Variants in TARBP1 observed in about 807,000 individuals in gnomAD.
TARBP1 encodes tRNA (guanosine(18)-2'-O)-methyltransferase TARBP1.
Under a neutral mutation model 178.6 loss-of-function variants are expected in TARBP1, and 144 were observed. The observed-to-expected ratio is 0.81, with a 90% CI of 0.70 to 0.93. TARBP1 has a LOEUF of 0.93. Ranked by LOEUF, TARBP1 falls within the 40% of genes least tolerant of loss-of-function variation. TARBP1 has a pLI of 0.00. For synonymous variants in TARBP1, 787 were observed against 781.0 expected, an observed-to-expected ratio of 1.01 and a Z score of -0.13; for missense variants, 2,067 against 2,011.7, an observed-to-expected ratio of 1.03 and a Z score of -0.53.
rs12081238 is a variant in TARBP1, at chr1:234,479,125, G to A, written c.-22C>T. 4,762 of 1,513,002 alleles carry A rather than the reference G, an allele frequency of 3.1e-3. 133 individuals carry two copies. In the African/African-American group the frequency reaches 0.059, roughly 19 times the overall value. 93.7% of individuals were successfully genotyped at this position (1,513,002 alleles called of 1,614,324 possible). A position where few individuals can be genotyped will look rare whatever the true frequency, so the allele number is the denominator to read the frequency against. On this transcript the variant is annotated 5_prime_UTR_variant, in exon 1 of 30. Transcript: ENST00000040877. ...CCATTTGCCGAGCGCCCGCGCCACC[G>A]GCCCGGGCTCCCAAAGGAAGGCGCC...
Position 234,456,402 on chromosome 1 carries a change from T to C in TARBP1, c.1722+1265A>G, listed in dbSNP as rs1408014829. ...TTTTAGTAGAGACGGGGTTTCGCCA[T>C]GCTGGCCAGGCTGGTCTCGAACTCC... On this transcript the variant is annotated intron_variant, in intron 9 of 29. Transcript: ENST00000040877. Among the ~76,000 whole-genome samples the C allele has an allele frequency of 6.0e-4, 91 of 152,240 alleles. 1 individual carries two copies. Among genetic ancestry groups the C allele is most frequent in the Admixed American group, 6.0e-3 (91 of 15,288 alleles).
At chr1:234,415,187 A>G (rs973033683) in intron 22 of TARBP1, among the ~76,000 whole-genome samples, 6 of 152,028 alleles carry the variant, frequency 3.9e-5, no homozygotes, top group African/African-American at 1.5e-4. Flanking sequence ...GGCTAAGGAG[A>G]GACTGAGGAT....
chr1:234,434,486 A>G (rs1280868403), intron 13 of TARBP1, among the ~76,000 whole-genome samples: 1 of 152,200 alleles, frequency 6.6e-6, no homozygotes, highest in Non-Finnish European at 1.5e-5. Flanking sequence ...TGAGGGATGA[A>G]GGTGCCAGGA....
chr1:234,452,884 A>G (rs35880879), intron 9 of TARBP1, among the ~76,000 whole-genome samples: 44,737 of 151,906 alleles, frequency 0.29, 6,750 homozygotes, highest in Admixed American at 0.4. Context: ...CACTAAAAAA[A>G]AAAAAATGAG....
Position 234,405,900 on chromosome 1 carries a change from T to C in TARBP1, c.3989+3A>G. Reference sequence around the variant, plus strand: ...GGCGATGAGGTTGACGAGGGCTCCTTACCCTGCTCCGTGCATGCTTTCCAC... The same window carrying C: ...GGCGATGAGGTTGACGAGGGCTCCTCACCCTGCTCCGTGCATGCTTTCCAC... On this transcript the variant is annotated splice_donor_region_variant and intron_variant, in intron 24 of 29. Coordinates refer to ENST00000040877, the MANE Select transcript of TARBP1 (RefSeq NM_005646.4). 1 of 1,613,210 alleles carries C rather than the reference T, an allele frequency of 6.2e-7. No individual in the cohort carries two copies. The highest frequency in any genetic ancestry group is 1.7e-5 in the Admixed American group (1 of 59,994).
chr1:234,398,285 G>A (rs1490376802), intron 26 of TARBP1, 97 bp downstream of exon 26: 10 of 1,028,236 alleles, frequency 9.7e-6, no homozygotes, highest in Admixed American at 3.0e-5. Flanking sequence ...GTCAATGAAA[G>A]TGATATTATT....
chr1:234,462,656 T>G (rs541657708), intron 6 of TARBP1, among the ~76,000 whole-genome samples: 1 of 121,218 alleles, frequency 8.2e-6, no homozygotes, highest in East Asian at 2.7e-4. Context: ...ACCACTGCAC[T>G]CCAGCCTAAT....
chr1:234,460,945 C>T (rs540643811), intron 6 of TARBP1, among the ~76,000 whole-genome samples: 28 of 152,288 alleles, frequency 1.8e-4, no homozygotes, highest in African/African-American at 6.0e-4. Flanking sequence ...CAAAAAGCCA[C>T]GTATTGTATG....
intron 11 of TARBP1, 32 bp downstream of exon 11, chr1:234,448,448 T>C (rs1158640114): frequency 5.1e-6 from 8 of 1,579,934 alleles, no homozygotes; most frequent in Non-Finnish European, 7.0e-6. Flanking sequence ...ATTTTTCAAA[T>C]AGGCTTTCTT....
intron 22 of TARBP1, among the ~76,000 whole-genome samples, chr1:234,415,227 G>A (rs1419931448): frequency 6.6e-6 from 1 of 152,138 alleles, no homozygotes; most frequent in Admixed American, 6.5e-5. Flanking sequence ...ACAAATGCCT[G>A]AGAAGACAGG....
At chr1:234,477,768 C>T (rs1217203929) in intron 1 of TARBP1, among the ~76,000 whole-genome samples, 1 of 152,180 alleles carries the variant, frequency 6.6e-6, no homozygotes, top group Admixed American at 6.5e-5. Flanking sequence ...ACTCAACACT[C>T]AATTCACTAA....
chr1:234,425,650 A>G, intron 20 of TARBP1, 23 bp downstream of exon 20: 1 of 1,489,038 alleles, frequency 6.7e-7, no homozygotes, highest in Non-Finnish European at 9.2e-7. Context: ...AAACAAAGAT[A>G]ATTTAAAGTA....
At chr1:234,455,800 T>C (rs1667212599) in intron 9 of TARBP1, among the ~76,000 whole-genome samples, 1 of 151,970 alleles carries the variant, frequency 6.6e-6, no homozygotes. Flanking sequence ...GTATAACAAC[T>C]TGTCAATACC....
rs1168636812 is a variant in TARBP1, at chr1:234,478,827, G to T, written c.277C>A (p.Arg93Ser). The T allele has an allele frequency of 1.7e-5, 20 of 1,189,142 alleles. No individual in the cohort carries two copies. In the East Asian group the frequency reaches 5.2e-4, roughly 31 times the overall value. 73.7% of individuals were successfully genotyped at this position (1,189,142 alleles called of 1,614,324 possible). ...CCCGCCGCCCTCAGCACGCGCCGGC[G>T]GTGGCGAGGCTGCAGACTGGGGTCC... ...GPDPSLQPRH[R>S]RRVLRAAGAA... The change falls in exon 1 of 30, where the codon CGC becomes AGC. Residue 93 changes from arginine to serine, a missense_variant. Coordinates refer to ENST00000040877, the MANE Select transcript of TARBP1 (RefSeq NM_005646.4).
At chr1:234,470,720 A>G (rs1668963653) in intron 3 of TARBP1, among the ~76,000 whole-genome samples, 2 of 150,678 alleles carry the variant, frequency 1.3e-5, no homozygotes, top group Non-Finnish European at 2.9e-5. Flanking sequence ...GATTCGAGTG[A>G]TTCTCTTGCC....
rs377316892 is a variant in TARBP1 at position 234,433,482 on chromosome 1, G to T, written c.2322C>A (p.Asn774Lys). ...LHLKVGWKRG[N>K]PIWRVISLLK... ...AAAGAGAAATAACTCTCCAGATAGG[G>T]TTACCCCTTTTCCACCCAACCTTCA... The change falls in exon 14 of 30, where the codon AAC becomes AAA. Residue 774 changes from asparagine to lysine, a missense_variant. Transcript: ENST00000040877. 4.3e-6 allele frequency: 7 copies of T among 1,613,916 alleles called. No individual in the cohort carries two copies. In the African/African-American group the frequency reaches 9.3e-5, roughly 22 times the overall value.
chr1:234,440,155 T>C (rs1288502553), intron 12 of TARBP1, among the ~76,000 whole-genome samples: 1 of 152,148 alleles, frequency 6.6e-6, no homozygotes, highest in African/African-American at 2.4e-5. Context: ...AGAAAATATT[T>C]TGAGATGAAA....
At chr1:234,456,177 A>AAACATATAG (rs1667252508) in intron 9 of TARBP1, among the ~76,000 whole-genome samples, 1 of 152,364 alleles carries the variant, frequency 6.6e-6, no homozygotes, top group Admixed American at 6.5e-5. Flanking sequence ...GTATAAATAA[A>AAACATATAG]AACATATAGA....
chr1:234,463,787 A>G (rs1424067699), intron 6 of TARBP1, 50 bp downstream of exon 6: 1 of 1,120,398 alleles, frequency 8.9e-7, no homozygotes, highest in Non-Finnish European at 1.2e-6. Flanking sequence ...TAAAAAAAAA[A>G]GAAACTGTAA....
Sources: gnomAD v4.1 joint callset for allele counts (sites outside exome capture counted in the v4.1 genomes callset) on GRCh38, gnomAD v4.1.1 for gene constraint, MANE v1.5 for transcripts, NCBI Gene and HGNC (gene_info 2026-07-23, HGNC 2026-07-21) for gene names.